The following FAM222B variants were observed in gnomAD, a reference collection of about 807,000 sequenced individuals.
The protein encoded by FAM222B is family with sequence similarity 222 member B, also known as protein FAM222B.
Under a neutral mutation model 38.0 loss-of-function variants are expected in FAM222B, and 12 were observed. The ratio of observed to expected loss-of-function variants is 0.32; its 90% CI spans 0.20 to 0.51. The LOEUF is 0.51. Among genes scored for constraint, FAM222B ranks in the 20% least tolerant of loss-of-function variants. The pLI is 0.97. For missense variants in FAM222B, 716 were observed against 754.2 expected, an observed-to-expected ratio of 0.95 and a Z score of 0.59; for synonymous variants, 329 against 317.2, an observed-to-expected ratio of 1.04 and a Z score of -0.40.
At chr17:28,821,036 A>G (rs2038199521) in intron 1 of FAM222B, among the ~76,000 whole-genome samples, 1 of 149,910 alleles carries the variant, frequency 6.7e-6, no homozygotes, top group African/African-American at 2.5e-5. Flanking sequence ...GCTCACTGCA[A>G]CCTCCCCCAC....
At chr17:28,786,364 C>T (rs1219598405) in intron 1 of FAM222B, among the ~76,000 whole-genome samples, 2 of 152,136 alleles carry the variant, frequency 1.3e-5, no homozygotes, top group Non-Finnish European at 2.9e-5. Context: ...CAAAGGAAAG[C>T]TTGAAGTGGT....
intron 1 of FAM222B, among the ~76,000 whole-genome samples, chr17:28,769,248 C>T (rs908952431): frequency 1.5e-5 from 2 of 133,764 alleles, no homozygotes; most frequent in South Asian, 2.4e-4. Flanking sequence ...GGTGCGATCT[C>T]GGTTCACTGC....
At chr17:28,762,613 C>CGA (rs1332427756) in intron 2 of FAM222B, among the ~76,000 whole-genome samples, 1 of 101,514 alleles carries the variant, frequency 9.9e-6, no homozygotes, top group African/African-American at 4.0e-5. Context: ...GGTGACAGAG[C>CGA]GAGACTCCAT....
chr17:28,787,153 T>C (rs2036454432), intron 1 of FAM222B, among the ~76,000 whole-genome samples: 1 of 152,060 alleles, frequency 6.6e-6, no homozygotes, highest in Admixed American at 6.6e-5. Flanking sequence ...TATGATCTCC[T>C]GACCTCGTGA....
intron 1 of FAM222B, among the ~76,000 whole-genome samples, chr17:28,784,461 T>C (rs1407346958): frequency 8.7e-5 from 10 of 114,804 alleles, no homozygotes; most frequent in African/African-American, 3.4e-4. Context: ...TACTCCAGCC[T>C]GGGCAACAAC....
intron 1 of FAM222B, among the ~76,000 whole-genome samples, chr17:28,803,642 G>A (rs925278278): frequency 1.3e-5 from 2 of 151,944 alleles, no homozygotes; most frequent in Non-Finnish European, 2.9e-5. Flanking sequence ...ACCCACATAT[G>A]ATGAATTATT....
At position 28,834,498 on chromosome 17, in the gene FAM222B, G is replaced by A. The variant is rs1459060696; in HGVS notation, c.-41+8184C>T. 2.6e-5 allele frequency among the ~76,000 whole-genome samples: 4 copies of A among 152,046 alleles called. No homozygotes were observed. The East Asian group carries it at 5.8e-4, about 22-fold the overall frequency. On this transcript the variant is annotated intron_variant, in intron 1 of 2. Transcript: ENST00000581407. ...TGTATCTTTGTACAAGCTATTTTCT[G>A]CACTTCAAACAGTAACTTTTCCAAT...
In FAM222B at chr17:28,778,719, A is replaced by ATTT. The variant is rs59098589; in HGVS notation, c.-40-12015_-40-12013dup. On this transcript the variant is annotated intron_variant, in intron 1 of 2. Coordinates refer to ENST00000581407, the MANE Select transcript of FAM222B (RefSeq NM_001077498.3). ...TGTGTATATATATATATATATATAT[A>ATTT]TTTTTTTTTTTTTTTTTTTTTTTTT... Among the ~76,000 whole-genome samples, 46 of 25,484 alleles carry ATTT rather than the reference A, an allele frequency of 1.8e-3. 3 individuals are homozygous for ATTT. The highest frequency in any genetic ancestry group is 5.8e-3 in the African/African-American group (38 of 6,564). 16.7% of individuals were successfully genotyped at this position (25,484 alleles called of 152,430 possible).
chr17:28,784,395 G>A (rs544416504), intron 1 of FAM222B, among the ~76,000 whole-genome samples: 3 of 148,460 alleles, frequency 2.0e-5, no homozygotes, highest in African/African-American at 2.5e-5. Flanking sequence ...AGAATTGCTG[G>A]AGCTCAGGAG....
intron 1 of FAM222B, 80 bp from the exon 2 acceptor site, chr17:28,766,787 C>T (rs2035350884): frequency 7.8e-6 from 6 of 767,334 alleles, no homozygotes; most frequent in Admixed American, 4.5e-5. Context: ...ATATGACTGG[C>T]GTGAGGCCCA....
chr17:28,822,308 C>T (rs1486908357), intron 1 of FAM222B, among the ~76,000 whole-genome samples: 5 of 150,764 alleles, frequency 3.3e-5, no homozygotes, highest in Admixed American at 2.6e-4. Flanking sequence ...CATGAGCCAC[C>T]ACGCCCGGCC....
intron 1 of FAM222B, among the ~76,000 whole-genome samples, chr17:28,814,355 T>C (rs927331128): frequency 1.3e-5 from 2 of 152,194 alleles, no homozygotes; most frequent in East Asian, 1.9e-4. Context: ...AACAAAACTT[T>C]AAAATTAAGC....
chr17:28,778,719 ATTT>A (rs59098589), intron 1 of FAM222B, among the ~76,000 whole-genome samples: 124 of 25,480 alleles, frequency 4.9e-3, no homozygotes, highest in African/African-American at 0.014. Flanking sequence ...ATATATATAT[ATTT>A]TTTTTTTTTT....
At chr17:28,799,358 T>C (rs1461865251) in intron 1 of FAM222B, among the ~76,000 whole-genome samples, 1 of 131,776 alleles carries the variant, frequency 7.6e-6, no homozygotes, top group Admixed American at 8.3e-5. Context: ...AGTGCAGTGG[T>C]GCGATCTCAA....
chr17:28,756,659 C>T lies in FAM222B; in HGVS notation c.*1611G>A, dbSNP rs2034710195. 6.6e-6 allele frequency: 1 copy of T among 151,980 alleles called. No homozygotes were observed. Among genetic ancestry groups the T allele is most frequent in the Non-Finnish European group, 1.5e-5 (1 of 67,984 alleles). The allele number at this position is 151,980 out of a possible 1,614,324, so 9.4% of individuals were successfully genotyped here. ...GGGAGGTACCAGTGTTCACAGACGG[C>T]AGGAAAACAATTGGGAACAATAAAT... On this transcript the variant is annotated 3_prime_UTR_variant, in exon 3 of 3. Coordinates refer to ENST00000581407, the MANE Select transcript of FAM222B (RefSeq NM_001077498.3).
Position 28,758,617 on chromosome 17 carries a change from G to T in FAM222B, c.1342C>A (p.His448Asn). 6.2e-7 allele frequency: 1 copy of T among 1,611,552 alleles called. No homozygotes were observed. The change falls in exon 3 of 3, where the codon CAC becomes AAC. Residue 448 changes from histidine (H) to asparagine (N), a missense_variant. His to Asn is a moderately conservative substitution (Grantham distance 68, BLOSUM62 1). Coordinates refer to ENST00000581407, the MANE Select transcript of FAM222B (RefSeq NM_001077498.3). The stretch of plus-strand genomic sequence containing the variant: ...TTGTTCCACAGGGGTTGGAAGTAGT[G>T]ACCATTGGGGTAGGCCAATGGGGCT... ...MAAPLAYPNG[H>N]YFQPLWNNIL...
At position 28,759,993 on chromosome 17, in the gene FAM222B, A is replaced by G. The variant is rs1322514784; in HGVS notation, c.83-117T>C. On this transcript the variant is annotated intron_variant, in intron 2 of 2. Transcript: ENST00000581407. This position sits in a 1 kb window ranked among gnomAD's most constrained non-coding sequence, Gnocchi z 4.8. Reference sequence around the variant, plus strand: ...CCTGGGGTGGGGTGGGGAAATGACTAGATTGTCATCTGTAGCCTTCATTCG... The same window carrying G: ...CCTGGGGTGGGGTGGGGAAATGACTGGATTGTCATCTGTAGCCTTCATTCG... 7.9e-6 allele frequency: 8 copies of G among 1,016,946 alleles called. No individual in the cohort carries two copies. Among genetic ancestry groups the G allele is most frequent in the Admixed American group, 2.9e-5 (1 of 34,102 alleles). 63.0% of individuals were successfully genotyped at this position (1,016,946 alleles called of 1,614,324 possible). A position where few individuals can be genotyped will look rare whatever the true frequency, so the allele number is the denominator to read the frequency against.
At chr17:28,829,888 A>G (rs1357648433) in intron 1 of FAM222B, among the ~76,000 whole-genome samples, 1 of 151,846 alleles carries the variant, frequency 6.6e-6, no homozygotes, top group Non-Finnish European at 1.5e-5. Flanking sequence ...CTGTCTCCCA[A>G]GCTGGAGTTG....
upstream of FAM222B, among the ~76,000 whole-genome samples, chr17:28,845,691 C>A (rs1348643015): frequency 1.3e-5 from 2 of 151,780 alleles, no homozygotes; most frequent in Admixed American, 6.6e-5. Flanking sequence ...GTCAGGAGAT[C>A]GAGACCATTC....
Sources: gnomAD v4.1 joint callset for allele counts (sites outside exome capture counted in the v4.1 genomes callset) on GRCh38, gnomAD v4.1.1 for gene constraint, Gnocchi (gnomAD v3.1) non-coding constraint, MANE v1.5 for transcripts, NCBI Gene and HGNC (gene_info 2026-07-23, HGNC 2026-07-21) for gene names.